Variants in PCSK2 observed in about 807,000 individuals in gnomAD.
The protein encoded by PCSK2 is proprotein convertase subtilisin/kexin type 2, also known as neuroendocrine convertase 2.
In PCSK2, 14 loss-of-function variants were observed where a neutral mutation model predicts 69.7. That is an observed-to-expected ratio of 0.20 (90% CI 0.13 to 0.31). The LOEUF (loss-of-function observed/expected upper bound fraction) is 0.31. PCSK2 is among the 10% of genes least tolerant of loss of function. The pLI, the probability that PCSK2 is intolerant of heterozygous loss-of-function variation, is 1.00. For missense variants in PCSK2, 544 were observed against 842.5 expected, an observed-to-expected ratio of 0.65 and a Z score of 4.39; for synonymous variants, 307 against 320.7, an observed-to-expected ratio of 0.96 and a Z score of 0.46.
intron 8 of PCSK2, among the ~76,000 whole-genome samples, chr20:17,444,594 T>C (rs7269816): frequency 0.12 from 18,313 of 152,288 alleles, 1,141 homozygotes; most frequent in East Asian, 0.19. Context: ...GACTTCTGTC[T>C]TAGTTTTAGA....
chr20:17,406,627 T>C (rs191567117), intron 5 of PCSK2, among the ~76,000 whole-genome samples: 1 of 152,076 alleles, frequency 6.6e-6, no homozygotes, highest in Non-Finnish European at 1.5e-5. Flanking sequence ...CAAACTATTT[T>C]CCCAGAGTCA....
chr20:17,238,927 A>T (rs1465490499), intron 1 of PCSK2, among the ~76,000 whole-genome samples: 1 of 152,190 alleles, frequency 6.6e-6, no homozygotes, highest in Non-Finnish European at 1.5e-5. Context: ...AATAAATACC[A>T]AAATAAATAC....
intron 6 of PCSK2, among the ~76,000 whole-genome samples, chr20:17,414,753 T>A (rs563665650): frequency 2.0e-5 from 3 of 152,210 alleles, no homozygotes; most frequent in African/African-American, 7.2e-5. Context: ...TTTAGACCAA[T>A]GTCCCTGATG....
chr20:17,326,938 C>T (rs1568604515), intron 2 of PCSK2, among the ~76,000 whole-genome samples: 1 of 152,182 alleles, frequency 6.6e-6, no homozygotes, highest in Non-Finnish European at 1.5e-5. Flanking sequence ...ATGCAGCCTC[C>T]CTTTGGGCTC....
intron 2 of PCSK2, among the ~76,000 whole-genome samples, chr20:17,323,980 G>A (rs1468787214): frequency 6.6e-6 from 1 of 152,218 alleles, no homozygotes; most frequent in Non-Finnish European, 1.5e-5. Context: ...CTCCCCACCA[G>A]AGAAGCCCTC....
chr20:17,290,746 T>C (rs1320568508), intron 2 of PCSK2, among the ~76,000 whole-genome samples: 2 of 152,194 alleles, frequency 1.3e-5, no homozygotes, highest in African/African-American at 4.8e-5. Flanking sequence ...CCAAAGACTA[T>C]GTAATAAAGA....
chr20:17,397,767 GC>G lies in PCSK2; in HGVS notation c.544-11491del, dbSNP rs1568632907. 5.9e-5 allele frequency among the ~76,000 whole-genome samples: 9 copies of G among 152,162 alleles called. No homozygotes were observed. The South Asian group carries it at 1.7e-3, about 28-fold the overall frequency. On this transcript the variant is annotated intron_variant, in intron 5 of 11. Transcript: ENST00000262545. ...GCTGGGATTACAAGTGTGAGCCGCC[GC>G]CCCCGGCCAAATTCAATAATATTAT...
At chr20:17,361,833 G>A (rs916475762) in intron 4 of PCSK2, among the ~76,000 whole-genome samples, 2 of 152,322 alleles carry the variant, frequency 1.3e-5, no homozygotes, top group Non-Finnish European at 2.9e-5. Flanking sequence ...CCCTGCATGA[G>A]AGTGTGTGTG....
Position 17,227,237 on chromosome 20 carries a change from C to T in PCSK2, c.-69C>T. 1 of 1,055,778 alleles carries T rather than the reference C, an allele frequency of 9.5e-7. No individual in the cohort carries two copies. The highest frequency in any genetic ancestry group is 2.4e-5 in the East Asian group (1 of 42,202). The allele number at this position is 1,055,778 out of a possible 1,614,324, so 65.4% of individuals were successfully genotyped here. A position where few individuals can be genotyped will look rare whatever the true frequency, so the allele number is the denominator to read the frequency against. Reference sequence around the variant, plus strand: ...ATATATAAGAATTCTTTATTTGCACCCTCCCTCCGAGTCCCCTGCTCCGCC... The same window carrying T: ...ATATATAAGAATTCTTTATTTGCACTCTCCCTCCGAGTCCCCTGCTCCGCC... On this transcript the variant is annotated 5_prime_UTR_variant, in exon 1 of 12. Coordinates refer to ENST00000262545, the MANE Select transcript of PCSK2 (RefSeq NM_002594.5).
intron 8 of PCSK2, among the ~76,000 whole-genome samples, chr20:17,451,775 G>A (rs922347179): frequency 1.3e-5 from 2 of 152,162 alleles, no homozygotes; most frequent in Admixed American, 1.3e-4. Context: ...AGAAGAGAAT[G>A]TTTAGCATCG....
intron 6 of PCSK2, among the ~76,000 whole-genome samples, chr20:17,415,204 A>G (rs557526178): frequency 2.6e-4 from 40 of 152,294 alleles, no homozygotes; most frequent in South Asian, 1.5e-3. Flanking sequence ...GGCAAGAGAA[A>G]GAAATAACGG....
At chr20:17,327,404 A>T in intron 2 of PCSK2, among the ~76,000 whole-genome samples, 1 of 152,144 alleles carries the variant, frequency 6.6e-6, no homozygotes, top group Non-Finnish European at 1.5e-5. Flanking sequence ...GCATTTTCCG[A>T]GGGCGCCCGG....
chr20:17,281,140 C>T (rs917008180), intron 2 of PCSK2, among the ~76,000 whole-genome samples: 1 of 152,202 alleles, frequency 6.6e-6, no homozygotes, highest in Non-Finnish European at 1.5e-5. Flanking sequence ...TCAAACTGGG[C>T]ATGTGACATT....
At chr20:17,418,530 G>C (rs939595168) in intron 6 of PCSK2, among the ~76,000 whole-genome samples, 1 of 152,162 alleles carries the variant, frequency 6.6e-6, no homozygotes, top group Non-Finnish European at 1.5e-5. Flanking sequence ...AGCATAAAAG[G>C]GTTGAAAAAG....
At position 17,453,712 on chromosome 20, in the gene PCSK2, T is replaced by A; in HGVS notation, c.886-30T>A. ...GCCCCCTCGCAGCCCAGGCTGTGGGTAGCGGCAGCGTCTCCCCTGCTCTCC... is the reference window on the plus strand; with the variant it reads ...GCCCCCTCGCAGCCCAGGCTGTGGGAAGCGGCAGCGTCTCCCCTGCTCTCC... On this transcript the variant is annotated intron_variant, in intron 8 of 11. Coordinates refer to ENST00000262545, the MANE Select transcript of PCSK2 (RefSeq NM_002594.5). The surrounding 1 kb of genome is among the most constrained non-coding windows in gnomAD (Gnocchi z 4.0). 1 of 1,608,210 alleles carries A rather than the reference T, an allele frequency of 6.2e-7. No homozygotes were observed.
In PCSK2 at chr20:17,338,172, G is replaced by GC. The variant is rs1390187229; in HGVS notation, c.283-20155_283-20154insC. 1.1e-4 allele frequency among the ~76,000 whole-genome samples: 5 copies of GC among 44,790 alleles called. 1 individual carries two copies. Among genetic ancestry groups the GC allele is most frequent in the Non-Finnish European group, 2.0e-4 (3 of 15,154 alleles). 29.4% of individuals were successfully genotyped at this position (44,790 alleles called of 152,430 possible). A position where few individuals can be genotyped will look rare whatever the true frequency, so the allele number is the denominator to read the frequency against. On this transcript the variant is annotated intron_variant, in intron 2 of 11. Coordinates refer to ENST00000262545, the MANE Select transcript of PCSK2 (RefSeq NM_002594.5). Reference sequence around the variant, plus strand: ...TGAGAAGAAACCTTACATTTTTTTTGGGGGGGGGGGTTGTGTTTTTGTTTT... The same window carrying GC: ...TGAGAAGAAACCTTACATTTTTTTTGCGGGGGGGGGGTTGTGTTTTTGTTTT...
At chr20:17,434,792 G>C (rs1290538912) in intron 7 of PCSK2, among the ~76,000 whole-genome samples, 1 of 152,190 alleles carries the variant, frequency 6.6e-6, no homozygotes, top group African/African-American at 2.4e-5. Flanking sequence ...GCAAGTTCAA[G>C]AGCATCTGAG....
At chr20:17,429,206 A>C (rs1373267329) in intron 6 of PCSK2, among the ~76,000 whole-genome samples, 1 of 151,966 alleles carries the variant, frequency 6.6e-6, no homozygotes, top group African/African-American at 2.4e-5. Flanking sequence ...AAACCACCCC[A>C]AAATGGGGCG....
chr20:17,450,337 T>C (rs1160286787), intron 8 of PCSK2, among the ~76,000 whole-genome samples: 24 of 152,180 alleles, frequency 1.6e-4, no homozygotes, highest in Admixed American at 1.6e-3. Flanking sequence ...TCTTCCTAAG[T>C]ATTTTATCCT....
Sources: allele counts gnomAD v4.1 joint callset (sites outside exome capture counted in the v4.1 genomes callset), GRCh38; gene constraint gnomAD v4.1.1; non-coding constraint Gnocchi (gnomAD v3.1); transcripts MANE v1.5; gene names NCBI Gene and HGNC (gene_info 2026-07-23, HGNC 2026-07-21).